Variants in GHRHR observed in about 807,000 individuals in gnomAD.
The protein encoded by GHRHR is growth hormone-releasing hormone receptor.
In GHRHR, 40 loss-of-function variants were observed where a neutral mutation model predicts 58.3. The observed-to-expected ratio is 0.69, with a 90% CI of 0.53 to 0.89. The LOEUF is 0.89. Ranked by LOEUF, GHRHR falls within the 40% of genes least tolerant of loss-of-function variation. The pLI is 0.00. For synonymous variants in GHRHR, 249 were observed against 216.6 expected, an observed-to-expected ratio of 1.15 and a Z score of -1.31; for missense variants, 551 against 541.3, an observed-to-expected ratio of 1.02 and a Z score of -0.18.
In GHRHR at chr7:30,974,112, T is replaced by G. The variant is rs121918119; in HGVS notation, c.725T>G (p.Phe242Cys). 1.9e-6 allele frequency: 3 copies of G among 1,614,018 alleles called. No homozygotes were observed. The highest frequency in any genetic ancestry group is 2.5e-6 in the Non-Finnish European group (3 of 1,180,020). The change falls in exon 7 of 13, where the codon TTC (phenylalanine) becomes TGC (cysteine). Residue 242 changes from phenylalanine (F) to cysteine (C), a missense_variant. Transcript: ENST00000326139. ...ACCTCCCCCAGCTCAAGGAGAGCCTTCTGGTGGCTGGTTCTCGCTGGCTGG... is the reference window on the plus strand; with the variant it reads ...ACCTCCCCCAGCTCAAGGAGAGCCTGCTGGTGGCTGGTTCTCGCTGGCTGG... ...ASTSPSSRRA[F>C]WWLVLAGWGL... is the part of the protein sequence containing the mutation.
At chr7:30,975,984 G>A (rs1317004609) in intron 10 of GHRHR, 116 bp downstream of exon 10, 2 of 730,304 alleles carry the variant, frequency 2.7e-6, no homozygotes, top group African/African-American at 1.7e-5. Context: ...TCTTCCCTAT[G>A]TTCCCAGAGA....
intron 10 of GHRHR, 67 bp from the exon 11 acceptor site, chr7:30,976,362 G>A: frequency 3.4e-6 from 5 of 1,452,940 alleles, no homozygotes; most frequent in Non-Finnish European, 4.8e-6. Flanking sequence ...GGAAGTGAGA[G>A]GAGATGAAGT....
At chr7:30,977,364 C>T in intron 12 of GHRHR, 42 bp downstream of exon 12, 2 of 1,572,364 alleles carry the variant, frequency 1.3e-6, no homozygotes, top group East Asian at 2.2e-5. Flanking sequence ...GTCCCCCTCC[C>T]ACCAGACCTA....
At chr7:30,968,499 C>T (rs945700528) in intron 1 of GHRHR, among the ~76,000 whole-genome samples, 3 of 152,002 alleles carry the variant, frequency 2.0e-5, no homozygotes, top group African/African-American at 7.3e-5. Context: ...TCCGGGGTGA[C>T]TTTGGGCAAG....
Position 30,971,187 on chromosome 7 carries a change from C to T in GHRHR, c.435C>T (p.Phe145=), listed in dbSNP as rs368335119. ...VGHSISIVAL[F]VAITILVALR... ...ATAGCATCTCTATTGTAGCCCTCTT[C>T]GTGGCCATCACCATCCTGGTTGCTC... is the stretch of plus-strand genomic sequence containing the variant. Residue 145 remains phenylalanine (F), a synonymous_variant, in exon 5 of 13, where the codon TTC becomes TTT. Transcript: ENST00000326139. 9.2e-6 allele frequency: 14 copies of T among 1,514,386 alleles called. No homozygotes were observed. The highest frequency in any genetic ancestry group is 4.1e-5 in the African/African-American group (3 of 72,678). 93.8% of individuals were successfully genotyped at this position (1,514,386 alleles called of 1,614,324 possible). A position where few individuals can be genotyped will look rare whatever the true frequency, so the allele number is the denominator to read the frequency against.
intron 3 of GHRHR, 66 bp from the exon 4 acceptor site, chr7:30,969,801 G>A: frequency 1.3e-6 from 2 of 1,520,774 alleles, no homozygotes; most frequent in Non-Finnish European, 1.8e-6. Flanking sequence ...ATGGTCCCTG[G>A]CACCCCCAGC....
chr7:30,975,267 A>G (rs1199051467), intron 9 of GHRHR, among the ~76,000 whole-genome samples: 1 of 152,098 alleles, frequency 6.6e-6, no homozygotes, highest in Non-Finnish European at 1.5e-5. Context: ...TTCCAGCTCA[A>G]TTTTGATGAG....
At chr7:30,975,718 A>G (rs1584416061) in intron 9 of GHRHR, 59 bp from the exon 10 acceptor site, 1 of 982,656 alleles carries the variant, frequency 1.0e-6, no homozygotes, top group Admixed American at 1.7e-5. Context: ...GGCTCACCCC[A>G]GCCACCCAAG....
intron 10 of GHRHR, 64 bp downstream of exon 10, chr7:30,975,932 G>A: frequency 1.1e-6 from 1 of 924,204 alleles, no homozygotes; most frequent in Non-Finnish European, 1.8e-6. Flanking sequence ...CAATGTGTCT[G>A]TCTCATCCAA....
intron 9 of GHRHR, 31 bp from the exon 10 acceptor site, chr7:30,975,746 G>A (rs1035278212): frequency 7.4e-7 from 1 of 1,358,902 alleles, no homozygotes; most frequent in African/African-American, 1.4e-5. Flanking sequence ...CCTGACCCTT[G>A]TCTTCCACCT....
At position 30,979,147 on chromosome 7, in the gene GHRHR, A is replaced by G; in HGVS notation, c.1175A>G (p.His392Arg). 1 of 1,613,640 alleles carries G rather than the reference A, an allele frequency of 6.2e-7. No individual in the cohort carries two copies. Among genetic ancestry groups the G allele is most frequent in the Non-Finnish European group, 8.5e-7 (1 of 1,179,534 alleles). ...EVRTEISRKW[H>R]GHDPELLPAW... is the part of the protein sequence containing the mutation. ...AGGACTGAGATCTCACGGAAGTGGC[A>G]TGGCCATGACCCTGAGCTTCTGCCA... is the stretch of plus-strand genomic sequence containing the variant. Residue 392 changes from histidine to arginine, a missense_variant, in exon 13 of 13, where the codon CAT becomes CGT. Physicochemically the swap from His to Arg is conservative, Grantham distance 29. Coordinates refer to ENST00000326139, the MANE Select transcript of GHRHR (RefSeq NM_000823.4).
intron 9 of GHRHR, among the ~76,000 whole-genome samples, chr7:30,975,365 C>T (rs1177715801): frequency 6.6e-6 from 1 of 152,206 alleles, no homozygotes; most frequent in East Asian, 1.9e-4. Flanking sequence ...TGCAGCTAAA[C>T]CCCTCTCCTC....
chr7:30,973,788 G>A (rs972616452), intron 6 of GHRHR, among the ~76,000 whole-genome samples, 197 bp from the exon 7 acceptor site: 1 of 152,176 alleles, frequency 6.6e-6, no homozygotes, highest in Non-Finnish European at 1.5e-5. Context: ...TTAGAAGCCA[G>A]GCTGTCTAGA....
intron 1 of GHRHR, among the ~76,000 whole-genome samples, chr7:30,967,093 G>A (rs1584410361): frequency 1.3e-5 from 2 of 152,204 alleles, no homozygotes. Flanking sequence ...TGTGTATGCT[G>A]TATACCCAGT....
At chr7:30,975,742 C>T in intron 9 of GHRHR, 35 bp from the exon 10 acceptor site, 1 of 1,298,864 alleles carries the variant, frequency 7.7e-7, no homozygotes, top group Non-Finnish European at 1.1e-6. Flanking sequence ...ACCCCCTGAC[C>T]CTTGTCTTCC....
At chr7:30,969,997 T>C in intron 4 of GHRHR, 33 bp downstream of exon 4, 4 of 889,022 alleles carry the variant, frequency 4.5e-6, no homozygotes, top group Non-Finnish European at 7.7e-6. Context: ...GAGGAAGGAC[T>C]GCCATGGACA....
chr7:30,971,980 G>A lies in GHRHR; in HGVS notation c.482G>A (p.Arg161Gln), dbSNP rs1423511225. 1.2e-5 allele frequency: 19 copies of A among 1,613,772 alleles called. No individual in the cohort carries two copies. The highest frequency in any genetic ancestry group is 1.1e-5 in the Non-Finnish European group (13 of 1,179,952). Reference sequence around the variant, plus strand: ...ACCCCCAGGAGGCTCCACTGCCCCCGGAACTACGTCCACACCCAGCTGTTC... The same window carrying A: ...ACCCCCAGGAGGCTCCACTGCCCCCAGAACTACGTCCACACCCAGCTGTTC... Reference protein sequence around the residue: ...LVALRRLHCPRNYVHTQLFTT... With the variant: ...LVALRRLHCPQNYVHTQLFTT... The change falls in exon 6 of 13, where the codon CGG becomes CAG. Residue 161 changes from arginine to glutamine, a missense_variant. Coordinates refer to ENST00000326139, the MANE Select transcript of GHRHR (RefSeq NM_000823.4).
rs73686034 is a variant in GHRHR, at chr7:30,978,365, G to A, written c.1147-754G>A. 6.0e-3 allele frequency among the ~76,000 whole-genome samples: 919 copies of A among 152,246 alleles called. 6 individuals carry two copies. The highest frequency in any genetic ancestry group is 0.021 in the African/African-American group (871 of 41,508). ...GTTTCCACAGAGAGGTGTGAAGGGA[G>A]CTGTCTTGGGAAGCAGTGCCGGAGA... On this transcript the variant is annotated intron_variant, in intron 12 of 12. Coordinates refer to ENST00000326139, the MANE Select transcript of GHRHR (RefSeq NM_000823.4).
intron 6 of GHRHR, among the ~76,000 whole-genome samples, chr7:30,973,555 C>T (rs577738796): frequency 2.0e-5 from 3 of 152,182 alleles, no homozygotes; most frequent in African/African-American, 4.8e-5. Flanking sequence ...TGCACGGGTG[C>T]CTGTGTGTGT....
Sources: allele counts gnomAD v4.1 joint callset (sites outside exome capture counted in the v4.1 genomes callset), GRCh38; gene constraint gnomAD v4.1.1; transcripts MANE v1.5; gene names NCBI Gene and HGNC (gene_info 2026-07-23, HGNC 2026-07-21).